Variants in CNTNAP4 observed in about 807,000 individuals in gnomAD.
CNTNAP4 encodes contactin associated protein family member 4.
A neutral mutation model predicts 148.4 loss-of-function variants in CNTNAP4; 98 were observed. The observed-to-expected ratio is 0.66, with a 90% CI of 0.56 to 0.78. CNTNAP4 has a LOEUF of 0.78. CNTNAP4 is among the 30% of genes least tolerant of loss of function. The pLI, the probability that CNTNAP4 is intolerant of heterozygous loss-of-function variation, is 0.00. For missense variants in CNTNAP4, 1,935 were observed against 1,565.6 expected (o/e 1.24, Z -3.98); for synonymous variants, 730 against 565.1 (o/e 1.29, Z -4.14).
At chr16:76,364,911 G>A (rs372060495) in intron 3 of CNTNAP4, among the ~76,000 whole-genome samples, 2 of 152,078 alleles carry the variant, frequency 1.3e-5, no homozygotes, top group Non-Finnish European at 2.9e-5. Flanking sequence ...GGTTTTTGTT[G>A]TCATTGCTTT....
chr16:76,341,237 G>C (rs749416402), intron 2 of CNTNAP4, among the ~76,000 whole-genome samples: 1 of 152,024 alleles, frequency 6.6e-6, no homozygotes, highest in Non-Finnish European at 1.5e-5. Context: ...CTTAACTTAG[G>C]ATCTTAAACC....
At chr16:76,500,616 T>TTGTGTGTGTGTGTG (rs5818001) in intron 15 of CNTNAP4, among the ~76,000 whole-genome samples, 1 of 147,820 alleles carries the variant, frequency 6.8e-6, no homozygotes, top group African/African-American at 2.5e-5. Flanking sequence ...TTTTTCCAGT[T>TTGTGTGTGTGTGTG]TGTGTGTGTG....
At chr16:76,345,593 A>G (rs995424416) in intron 2 of CNTNAP4, among the ~76,000 whole-genome samples, 1 of 152,136 alleles carries the variant, frequency 6.6e-6, no homozygotes, top group African/African-American at 2.4e-5. Context: ...CCAATGTGAT[A>G]AGGCCATCTG....
At chr16:76,528,976 A>C (rs912412227) in intron 17 of CNTNAP4, among the ~76,000 whole-genome samples, 14 of 152,230 alleles carry the variant, frequency 9.2e-5, no homozygotes, top group African/African-American at 2.9e-4. Context: ...GATGTCATGC[A>C]AAGTAAAGGA....
chr16:76,525,263 T>G (rs2083668631), intron 17 of CNTNAP4, among the ~76,000 whole-genome samples: 1 of 151,846 alleles, frequency 6.6e-6, no homozygotes, highest in East Asian at 1.9e-4. Flanking sequence ...TTATACTGAA[T>G]TAGAGTATGG....
intron 2 of CNTNAP4, among the ~76,000 whole-genome samples, chr16:76,353,167 A>G (rs751346611): frequency 6.6e-6 from 1 of 152,214 alleles, no homozygotes; most frequent in African/African-American, 2.4e-5. Context: ...GAGGAAGAGC[A>G]TTGTGCTTTT....
At chr16:76,521,406 T>C (rs1009201645) in intron 16 of CNTNAP4, 96 bp downstream of exon 16, 2 of 993,448 alleles carry the variant, frequency 2.0e-6, no homozygotes, top group East Asian at 5.2e-5. Context: ...TACTTTATCA[T>C]CTGATTCTTT....
intron 3 of CNTNAP4, among the ~76,000 whole-genome samples, chr16:76,408,059 A>AT (rs147811247): frequency 0.037 from 5,618 of 151,910 alleles, 376 homozygotes; most frequent in African/African-American, 0.13. Flanking sequence ...TATGATTAGT[A>AT]TTTTTTTTAG....
At position 76,522,180 on chromosome 16, in the gene CNTNAP4, A is replaced by G. The variant is rs1363877656; in HGVS notation, c.2678A>G (p.Asp893Gly). ...RNMKEASLQV[D>G]QLTPKTQPAP... ...ATGAAGGAGGCCTCCCTTCAAGTGGATCAGCTGACACCAAAGACACAGCCC... is the reference window on the plus strand; with the variant it reads ...ATGAAGGAGGCCTCCCTTCAAGTGGGTCAGCTGACACCAAAGACACAGCCC... The change falls in exon 17 of 24, where the codon GAT becomes GGT. Residue 893 changes from aspartate (D) to glycine (G), a missense_variant. Transcript: ENST00000611870. 2 of 1,613,998 alleles carry G rather than the reference A, an allele frequency of 1.2e-6. No homozygotes were observed. The highest frequency in any genetic ancestry group is 1.7e-6 in the Non-Finnish European group (2 of 1,179,902).
At chr16:76,420,106 T>C (rs189393656) in intron 3 of CNTNAP4, among the ~76,000 whole-genome samples, 1,823 of 114,960 alleles carry the variant, frequency 0.016, 42 homozygotes, top group African/African-American at 0.046. Flanking sequence ...TTTGTCTTTT[T>C]TCTTGTGGTG....
chr16:76,337,897 C>A (rs1466609996), intron 2 of CNTNAP4, among the ~76,000 whole-genome samples: 1 of 152,178 alleles, frequency 6.6e-6, no homozygotes, highest in Non-Finnish European at 1.5e-5. Flanking sequence ...CCTGACCCCG[C>A]AGGCAGTCAG....
chr16:76,317,913 T>TGA (rs766337841), intron 2 of CNTNAP4, among the ~76,000 whole-genome samples: 7 of 152,302 alleles, frequency 4.6e-5, no homozygotes, highest in Middle Eastern at 3.4e-3. Flanking sequence ...GAGTGAGAAC[T>TGA]GAGATCCTTC....
intron 3 of CNTNAP4, among the ~76,000 whole-genome samples, chr16:76,397,820 G>A (rs896244218): frequency 9.1e-6 from 1 of 110,278 alleles, no homozygotes; most frequent in Non-Finnish European, 2.0e-5. Context: ...TGTGTGTGTA[G>A]AGCGAAGGAA....
intron 3 of CNTNAP4, among the ~76,000 whole-genome samples, chr16:76,396,777 C>G (rs2078219448): frequency 6.6e-6 from 1 of 152,224 alleles, no homozygotes; most frequent in African/African-American, 2.4e-5. Context: ...CTGTTCAACA[C>G]TTCCTGCAAA....
chr16:76,357,856 T>G (rs1439538212), intron 3 of CNTNAP4, among the ~76,000 whole-genome samples: 2 of 152,172 alleles, frequency 1.3e-5, no homozygotes, highest in Admixed American at 6.5e-5. Flanking sequence ...TTGAACTTCT[T>G]TATGGGCGAG....
At chr16:76,313,956 G>A (rs1961422873) in intron 1 of CNTNAP4, among the ~76,000 whole-genome samples, 1 of 152,014 alleles carries the variant, frequency 6.6e-6, no homozygotes, top group African/African-American at 2.4e-5. Context: ...TAAAATAAAA[G>A]GCAAATGCTT....
At chr16:76,341,689 T>G (rs1444487074) in intron 2 of CNTNAP4, among the ~76,000 whole-genome samples, 1 of 152,136 alleles carries the variant, frequency 6.6e-6, no homozygotes, top group Admixed American at 6.5e-5. Flanking sequence ...GGGATATGGC[T>G]TTCAAAGGAA....
At chr16:76,441,547 AGG>A (rs1287530563) in intron 4 of CNTNAP4, among the ~76,000 whole-genome samples, 1 of 152,048 alleles carries the variant, frequency 6.6e-6, no homozygotes, top group African/African-American at 2.4e-5. Context: ...GTATTCACTG[AGG>A]GGGAATCAGG....
rs934711582 is a variant in CNTNAP4, at chr16:76,558,543, C to T, written c.3787C>T (p.Arg1263Cys). Residue 1263 changes from arginine (R) to cysteine (C), a missense_variant, in exon 24 of 24, where the codon CGC (arginine) becomes TGC (cysteine). Transcript: ENST00000611870. ...ILLCITAIAVRIYQQKRLYKR... is the reference protein window; with the variant it reads ...ILLCITAIAVCIYQQKRLYKR... ...GCTTTGCATCACTGCCATAGCTGTT[C>T]GCATTTATCAGCAGAAAAGGTTATA... is the stretch of plus-strand genomic sequence containing the variant. 5.6e-6 allele frequency: 9 copies of T among 1,610,520 alleles called. No individual in the cohort carries two copies. Among genetic ancestry groups the T allele is most frequent in the East Asian group, 2.2e-5 (1 of 44,850 alleles).
Sources: gnomAD v4.1 joint callset for allele counts (sites outside exome capture counted in the v4.1 genomes callset) on GRCh38, gnomAD v4.1.1 for gene constraint, MANE v1.5 for transcripts, NCBI Gene and HGNC (gene_info 2026-07-23, HGNC 2026-07-21) for gene names.